CFAP299: variants seen among roughly 807,000 people sequenced by gnomAD.
The protein encoded by CFAP299 is cilia- and flagella-associated protein 299.
In CFAP299, 21 loss-of-function variants were observed where a neutral mutation model predicts 27.0. The observed-to-expected ratio is 0.78, with a 90% CI of 0.55 to 1.12. CFAP299 has a LOEUF of 1.12. Ranked by LOEUF, CFAP299 falls within the 50% of genes most tolerant of loss-of-function variation. The pLI, the probability that CFAP299 is intolerant of heterozygous loss-of-function variation, is 0.00. For missense variants in CFAP299, 310 were observed against 276.6 expected (o/e 1.12, Z -0.86); for synonymous variants, 104 against 98.1 (o/e 1.06, Z -0.36).
intron 4 of CFAP299, among the ~76,000 whole-genome samples, chr4:80,882,637 C>CA (rs36077837): frequency 0.18 from 22,739 of 124,198 alleles, 3,864 homozygotes; most frequent in African/African-American, 0.45. Flanking sequence ...GACTCCGTCT[C>CA]AAAAAAAAAA....
intron 2 of CFAP299, among the ~76,000 whole-genome samples, chr4:80,398,994 GAAA>G (rs1218546890): frequency 1.3e-5 from 2 of 150,240 alleles, no homozygotes; most frequent in Admixed American, 1.3e-4. Context: ...AAATTTACAA[GAAA>G]AAAACAAACA....
chr4:80,907,243 G>A (rs1469913583), intron 4 of CFAP299, among the ~76,000 whole-genome samples: 5 of 152,152 alleles, frequency 3.3e-5, no homozygotes, highest in Non-Finnish European at 5.9e-5. Context: ...ACTCAGCCTA[G>A]ACTTCATTGT....
intron 3 of CFAP299, among the ~76,000 whole-genome samples, chr4:80,613,016 C>G (rs930608989): frequency 6.6e-6 from 1 of 152,090 alleles, no homozygotes; most frequent in African/African-American, 2.4e-5. Context: ...TTATGAGGCT[C>G]TTTCATATGC....
At chr4:80,576,197 A>ATATATATATAT (rs1553935644) in intron 2 of CFAP299, among the ~76,000 whole-genome samples, 1 of 32,460 alleles carries the variant, frequency 3.1e-5, no homozygotes, top group African/African-American at 6.1e-5. Context: ...TAAAAAAAAA[A>ATATATATATAT]ATATATATAT....
intron 2 of CFAP299, among the ~76,000 whole-genome samples, chr4:80,375,920 A>G (rs533011681): frequency 6.6e-6 from 1 of 152,362 alleles, no homozygotes; most frequent in South Asian, 2.1e-4. Context: ...CTAGCTAGGT[A>G]GCACATCCAT....
intron 3 of CFAP299, among the ~76,000 whole-genome samples, chr4:80,688,518 G>C (rs568342967): frequency 2.0e-5 from 3 of 152,278 alleles, no homozygotes; most frequent in East Asian, 3.9e-4. Flanking sequence ...AAACAGAAAG[G>C]ACATCCACAG....
chr4:80,528,659 T>C (rs1014954689), intron 2 of CFAP299, among the ~76,000 whole-genome samples: 2 of 152,186 alleles, frequency 1.3e-5, no homozygotes, highest in South Asian at 2.1e-4. Context: ...CCATCTCTTA[T>C]ACAACATTGG....
chr4:80,862,380 G>GTAAA (rs879769975), intron 3 of CFAP299, among the ~76,000 whole-genome samples: 130 of 151,584 alleles, frequency 8.6e-4, no homozygotes, highest in Non-Finnish European at 1.5e-3. Context: ...GAAAAATATA[G>GTAAA]TAAATAAATA....
Position 80,944,665 on chromosome 4 carries a change from T to C in CFAP299, c.477-145T>C. The C allele has an allele frequency of 6.6e-6, 4 of 609,066 alleles. No homozygotes were observed. In the East Asian group the frequency reaches 1.2e-4, roughly 18 times the overall value. 37.7% of individuals were successfully genotyped at this position (609,066 alleles called of 1,614,324 possible). ...AATCTAATCTCTTGTGCAAGAATTT[T>C]AATCTCAAATGTGTTCTACATGGTT... On this transcript the variant is annotated intron_variant, in intron 4 of 5. Transcript: ENST00000358105.
chr4:80,762,048 A>G lies in CFAP299; in HGVS notation c.334-107945A>G, dbSNP rs570885718. On this transcript the variant is annotated intron_variant, in intron 3 of 5. Transcript: ENST00000358105. ...TTTGGGATTCAAATATAATAAAAGC[A>G]TAACTTTAAATCAACAGGTAATGGA... is the stretch of plus-strand genomic sequence containing the variant. Among the ~76,000 whole-genome samples the G allele has an allele frequency of 3.9e-5, 6 of 152,128 alleles. No homozygotes were observed. The East Asian group carries it at 1.2e-3, about 29-fold the overall frequency.
At chr4:80,510,938 A>T (rs1732266510) in intron 2 of CFAP299, among the ~76,000 whole-genome samples, 1 of 152,190 alleles carries the variant, frequency 6.6e-6, no homozygotes, top group African/African-American at 2.4e-5. Flanking sequence ...TGGGTAACTG[A>T]TGACTGGCCA....
chr4:80,758,039 C>A (rs564976789), intron 3 of CFAP299, among the ~76,000 whole-genome samples: 2 of 152,310 alleles, frequency 1.3e-5, no homozygotes, highest in East Asian at 3.9e-4. Context: ...CCTGAAGCCC[C>A]AGAAGAAGGT....
chr4:80,950,468 G>A lies in CFAP299; in HGVS notation c.606+5529G>A, dbSNP rs529706710. On this transcript the variant is annotated intron_variant, in intron 5 of 5. Coordinates refer to ENST00000358105, the MANE Select transcript of CFAP299 (RefSeq NM_152770.3). Reference sequence around the variant, plus strand: ...TTCAGGGGAGGCAGAATGTACTTTGGACCAAAGATATTCAAAAACAAGTTA... The same window carrying A: ...TTCAGGGGAGGCAGAATGTACTTTGAACCAAAGATATTCAAAAACAAGTTA... 2.6e-5 allele frequency among the ~76,000 whole-genome samples: 4 copies of A among 152,244 alleles called. No individual in the cohort carries two copies. In the South Asian group the frequency reaches 6.2e-4, roughly 24 times the overall value.
intron 3 of CFAP299, among the ~76,000 whole-genome samples, chr4:80,698,911 C>T (rs532605326): frequency 3.9e-5 from 6 of 152,258 alleles, no homozygotes; most frequent in African/African-American, 1.4e-4. Flanking sequence ...CCCCCTTCAA[C>T]ACATGAGGAT....
intron 3 of CFAP299, among the ~76,000 whole-genome samples, chr4:80,612,884 C>G (rs1738071953): frequency 6.6e-6 from 1 of 152,068 alleles, no homozygotes; most frequent in Non-Finnish European, 1.5e-5. Flanking sequence ...GTTTGATTGT[C>G]TGTTTTAGTC....
intron 2 of CFAP299, among the ~76,000 whole-genome samples, chr4:80,368,076 G>A (rs1258974071): frequency 3.9e-5 from 6 of 152,266 alleles, no homozygotes; most frequent in Admixed American, 3.9e-4. Context: ...CTTAAAACTG[G>A]TTCTGAGATA....
In CFAP299 at chr4:80,387,498, G is replaced by C. The variant is rs1011745057; in HGVS notation, c.242+24614G>C. 83 of 817,714 alleles carry C rather than the reference G, an allele frequency of 1.0e-4. No individual in the cohort carries two copies. The South Asian group carries it at 1.2e-3, about 12-fold the overall frequency. The allele number at this position is 817,714 out of a possible 1,614,324, so 50.7% of individuals were successfully genotyped here. On this transcript the variant is annotated intron_variant, in intron 2 of 5. Coordinates refer to ENST00000358105, the MANE Select transcript of CFAP299 (RefSeq NM_152770.3). ...CCTTGCTATCGCTGGCTGTGGGCCA[G>C]GCCTGGAGCTGTGGCGAGCTTGGTA...
At chr4:80,401,646 C>T (rs933606854) in intron 2 of CFAP299, among the ~76,000 whole-genome samples, 1 of 152,228 alleles carries the variant, frequency 6.6e-6, no homozygotes, top group African/African-American at 2.4e-5. Flanking sequence ...TCATGGAGAA[C>T]CTCTGCTAGG....
At chr4:80,403,282 G>A (rs903138535) in intron 2 of CFAP299, among the ~76,000 whole-genome samples, 1 of 152,030 alleles carries the variant, frequency 6.6e-6, no homozygotes, top group Non-Finnish European at 1.5e-5. Flanking sequence ...CATAAGTGCT[G>A]AAAAAAATTT....
Sources: gnomAD v4.1 joint callset for allele counts (sites outside exome capture counted in the v4.1 genomes callset) on GRCh38, gnomAD v4.1.1 for gene constraint, MANE v1.5 for transcripts, NCBI Gene and HGNC (gene_info 2026-07-23, HGNC 2026-07-21) for gene names.